ZNF407: variants seen among roughly 807,000 people sequenced by gnomAD.
The protein encoded by ZNF407 is zinc finger protein 407.
A neutral mutation model predicts 131.2 loss-of-function variants in ZNF407; 17 were observed. That is an observed-to-expected ratio of 0.13 (90% CI 0.09 to 0.19). The LOEUF is 0.19. Among genes scored for constraint, ZNF407 ranks in the 10% least tolerant of loss-of-function variants. The pLI is 1.00. For synonymous variants in ZNF407, 1,156 were observed against 1,062.0 expected, an observed-to-expected ratio of 1.09 and a Z score of -1.72; for missense variants, 2,681 against 2,830.6, an observed-to-expected ratio of 0.95 and a Z score of 1.20.
At chr18:74,869,078 G>A (rs919736229) in intron 4 of ZNF407, among the ~76,000 whole-genome samples, 23 of 152,288 alleles carry the variant, frequency 1.5e-4, no homozygotes, top group Admixed American at 3.9e-4. Flanking sequence ...TGAAATTAAG[G>A]CATTTGGAAT....
chr18:74,808,076 C>A (rs558568264), intron 4 of ZNF407, among the ~76,000 whole-genome samples: 4 of 152,058 alleles, frequency 2.6e-5, no homozygotes, highest in African/African-American at 9.6e-5. Flanking sequence ...TTCGATGGCG[C>A]GATCTCGGCA....
intron 4 of ZNF407, among the ~76,000 whole-genome samples, chr18:74,863,067 C>T (rs1353011870): frequency 1.3e-5 from 2 of 151,756 alleles, no homozygotes; most frequent in Non-Finnish European, 2.9e-5. Context: ...ATTACAGGCA[C>T]ACACCACTAC....
At chr18:74,675,574 G>C (rs542273949) in intron 3 of ZNF407, among the ~76,000 whole-genome samples, 1 of 152,318 alleles carries the variant, frequency 6.6e-6, no homozygotes, top group East Asian at 1.9e-4. Flanking sequence ...GTAAGAGGAC[G>C]TGTAAAAAGG....
At chr18:74,894,273 A>C (rs536722484) in intron 7 of ZNF407, among the ~76,000 whole-genome samples, 14 of 152,250 alleles carry the variant, frequency 9.2e-5, no homozygotes, top group African/African-American at 3.1e-4. Flanking sequence ...ACTATTCGTT[A>C]TAAATTCAAA....
intron 3 of ZNF407, among the ~76,000 whole-genome samples, chr18:74,718,254 T>G (rs745796858): frequency 5.0e-4 from 76 of 151,808 alleles, no homozygotes; most frequent in Admixed American, 1.7e-3. Flanking sequence ...AGATTACTTT[T>G]CGTCACTGTT....
At position 74,864,804 on chromosome 18, in the gene ZNF407, G is replaced by T. The variant is rs527888843; in HGVS notation, c.4878-12393G>T. 4.5e-4 allele frequency among the ~76,000 whole-genome samples: 68 copies of T among 152,280 alleles called. 1 individual carries two copies. The highest frequency in any genetic ancestry group is 1.6e-3 in the African/African-American group (65 of 41,552). ...ATCACAATAAGATGAGGATGCTTGC[G>T]TAATGTAGAAAATACAAGTGAAATC... On this transcript the variant is annotated intron_variant, in intron 4 of 8. Transcript: ENST00000299687.
intron 4 of ZNF407, among the ~76,000 whole-genome samples, chr18:74,834,363 A>G (rs1480291059): frequency 6.6e-6 from 1 of 152,230 alleles, no homozygotes; most frequent in Non-Finnish European, 1.5e-5. Context: ...GAAAAATGGG[A>G]TGATCTGGGT....
intron 8 of ZNF407, among the ~76,000 whole-genome samples, chr18:75,010,950 G>A (rs1739649414): frequency 6.6e-6 from 1 of 152,128 alleles, no homozygotes; most frequent in Non-Finnish European, 1.5e-5. Context: ...GAACAACAGA[G>A]GATGTGGCAT....
chr18:75,052,115 C>T (rs192933198), intron 8 of ZNF407, among the ~76,000 whole-genome samples: 10 of 152,198 alleles, frequency 6.6e-5, no homozygotes, highest in African/African-American at 1.7e-4. Flanking sequence ...TGCTTGCATA[C>T]GTGTGCATGT....
At chr18:75,057,680 A>G (rs1190762012) in intron 8 of ZNF407, among the ~76,000 whole-genome samples, 2 of 152,318 alleles carry the variant, frequency 1.3e-5, no homozygotes, top group Non-Finnish European at 2.9e-5. Flanking sequence ...TGATTGTTCT[A>G]TAAACCCAAT....
intron 3 of ZNF407, among the ~76,000 whole-genome samples, chr18:74,661,687 C>T (rs1471077989): frequency 6.6e-6 from 1 of 152,016 alleles, no homozygotes; most frequent in Middle Eastern, 3.2e-3. Flanking sequence ...TCTATAGTTT[C>T]TTTGTCACCT....
At chr18:75,002,952 G>T (rs1972865732) in intron 8 of ZNF407, among the ~76,000 whole-genome samples, 1 of 152,192 alleles carries the variant, frequency 6.6e-6, no homozygotes, top group Non-Finnish European at 1.5e-5. Context: ...CAGGCAGCTT[G>T]TTGGAAATTC....
chr18:74,909,259 A>G (rs1230122909), intron 7 of ZNF407, among the ~76,000 whole-genome samples: 1 of 152,224 alleles, frequency 6.6e-6, no homozygotes, highest in South Asian at 2.1e-4. Flanking sequence ...TTTCATGTAT[A>G]ATAGGAAAAG....
At chr18:74,628,485 A>T (rs1484130713) in intron 1 of ZNF407, among the ~76,000 whole-genome samples, 1 of 152,214 alleles carries the variant, frequency 6.6e-6, no homozygotes, top group African/African-American at 2.4e-5. Flanking sequence ...GACATTTCAT[A>T]TAAAAAGGAA....
At chr18:74,934,766 A>G (rs924616930) in intron 8 of ZNF407, among the ~76,000 whole-genome samples, 2 of 152,246 alleles carry the variant, frequency 1.3e-5, no homozygotes, top group Non-Finnish European at 2.9e-5. Flanking sequence ...AGATCATGCC[A>G]CTGCACTCCA....
At chr18:74,598,395 C>T in intron 1 of ZNF407, 1 of 152,404 alleles carries the variant, frequency 6.6e-6, no homozygotes, top group Admixed American at 6.5e-5. Context: ...GGGACGCACC[C>T]CTGCACCGAA....
intron 4 of ZNF407, among the ~76,000 whole-genome samples, chr18:74,798,456 T>C (rs1433791959): frequency 6.6e-6 from 1 of 152,144 alleles, no homozygotes; most frequent in Non-Finnish European, 1.5e-5. Context: ...AGTTAGTCTT[T>C]TCACAGTGTA....
intron 4 of ZNF407, chr18:74,804,105 C>T (rs1970070264): frequency 3.3e-6 from 5 of 1,538,122 alleles, no homozygotes; most frequent in Non-Finnish European, 4.4e-6. Flanking sequence ...TGGCTGAGGA[C>T]TTATTTTGGT....
rs1973462924 is a variant in ZNF407, at chr18:75,048,702, T to C, written c.5429-14448T>C. 6.6e-6 allele frequency among the ~76,000 whole-genome samples: 1 copy of C among 152,238 alleles called. No individual in the cohort carries two copies. Among genetic ancestry groups the C allele is most frequent in the Admixed American group, 6.5e-5 (1 of 15,288 alleles). On this transcript the variant is annotated intron_variant, in intron 8 of 8. Transcript: ENST00000299687. The surrounding 1 kb of genome is among the most constrained non-coding windows in gnomAD (Gnocchi z 4.1). ...AACTAGATTATTTTCATCAACTTTA[T>C]AACTATGTTTAAAATGTTTGTTTTG...
Sources: gnomAD v4.1 joint callset for allele counts (sites outside exome capture counted in the v4.1 genomes callset) on GRCh38, gnomAD v4.1.1 for gene constraint, Gnocchi (gnomAD v3.1) non-coding constraint, MANE v1.5 for transcripts, NCBI Gene and HGNC (gene_info 2026-07-23, HGNC 2026-07-21) for gene names.